PIK3C2G: variants seen among roughly 807,000 people sequenced by gnomAD.
The protein encoded by PIK3C2G is phosphatidylinositol-4-phosphate 3-kinase catalytic subunit type 2 gamma, also known as phosphatidylinositol 3-kinase C2 domain-containing subunit gamma.
PIK3C2G carries 168 observed loss-of-function variants against 181.1 expected under a neutral mutation model. That is an observed-to-expected ratio of 0.93 (90% CI 0.82 to 1.05). The LOEUF (loss-of-function observed/expected upper bound fraction) is 1.05, where lower values mean the gene tolerates loss of function less well. PIK3C2G is among the 50% of genes least tolerant of loss of function. The pLI, the probability that PIK3C2G is intolerant of heterozygous loss-of-function variation, is 0.00. For missense variants in PIK3C2G, 1,869 were observed against 1,732.8 expected, an observed-to-expected ratio of 1.08 and a Z score of -1.40; for synonymous variants, 573 against 592.2, an observed-to-expected ratio of 0.97 and a Z score of 0.47.
chr12:18,487,812 C>T (rs781424835), intron 18 of PIK3C2G, among the ~76,000 whole-genome samples: 16 of 152,090 alleles, frequency 1.1e-4, no homozygotes, highest in Non-Finnish European at 1.9e-4. Flanking sequence ...GTGTTCTATA[C>T]AGCTCTATAG....
In PIK3C2G at chr12:18,522,392, T is replaced by C. The variant is rs577826385; in HGVS notation, c.3324-15764T>C. Among the ~76,000 whole-genome samples the C allele has an allele frequency of 2.6e-5, 4 of 152,340 alleles. No homozygotes were observed. The South Asian group carries it at 8.3e-4, about 32-fold the overall frequency. On this transcript the variant is annotated intron_variant, in intron 24 of 32. Coordinates refer to ENST00000538779, the MANE Select transcript of PIK3C2G (RefSeq NM_001288772.2). The stretch of plus-strand genomic sequence containing the variant: ...TTTGTTATTAATTAGCAGACTTTTA[T>C]TTTAGCTTAAATAACTCCCATTAGC...
rs1432345175 is a variant in PIK3C2G at position 18,496,084 on chromosome 12, A to G, written c.2816A>G (p.Asn939Ser). The G allele has an allele frequency of 2.0e-6, 3 of 1,530,986 alleles. No homozygotes were observed. The highest frequency in any genetic ancestry group is 2.1e-5 in the Admixed American group (1 of 47,790). 94.8% of individuals were successfully genotyped at this position (1,530,986 alleles called of 1,614,324 possible). ...TAGGCATGTTCATATTTTACATCTA[A>G]TGCTTTGCCATTGAAGATTACTTTC... is the stretch of plus-strand genomic sequence containing the variant. The part of the protein sequence containing the change: ...DHDACSYFTS[N>S]ALPLKITFIN... Residue 939 changes from asparagine (N) to serine (S), a missense_variant, in exon 21 of 33, where the codon AAT becomes AGT. Physicochemically the swap from Asn to Ser is conservative, Grantham distance 46. Transcript: ENST00000538779.
At chr12:18,321,108 T>G in intron 7 of PIK3C2G, 76 bp downstream of exon 7, 1 of 816,182 alleles carries the variant, frequency 1.2e-6, no homozygotes, top group South Asian at 1.6e-5. Flanking sequence ...ATTTTTCAGT[T>G]GATTGTAAAA....
intron 16 of PIK3C2G, among the ~76,000 whole-genome samples, chr12:18,419,864 T>C (rs906110468): frequency 8.5e-5 from 13 of 152,162 alleles, no homozygotes; most frequent in African/African-American, 2.4e-5. Context: ...CTTGACTCGA[T>C]GGCGGCATAG....
chr12:18,520,961 TTC>T (rs554127525), intron 24 of PIK3C2G, among the ~76,000 whole-genome samples: 8 of 152,130 alleles, frequency 5.3e-5, no homozygotes, highest in Non-Finnish European at 5.9e-5. Flanking sequence ...TGTTGTTGCA[TTC>T]TGTTTGTTTG....
In PIK3C2G at chr12:18,391,243, C is replaced by T; in HGVS notation, c.2117C>T (p.Thr706Ile). ...KHIARLSQKQ[T>I]PLLLSEEKKR... ...ATTGCCAGACTTTCACAGAAACAGA[C>T]TCCCCTACTGTAAGTGACCTAGGTC... Residue 706 changes from threonine to isoleucine, a missense_variant, in exon 15 of 33, where the codon ACT becomes ATT. Transcript: ENST00000538779. 6.3e-7 allele frequency: 1 copy of T among 1,584,754 alleles called. No homozygotes were observed. Among genetic ancestry groups the T allele is most frequent in the Non-Finnish European group, 8.6e-7 (1 of 1,166,650 alleles).
chr12:18,461,377 G>A (rs1446172858), intron 18 of PIK3C2G, among the ~76,000 whole-genome samples: 2 of 152,266 alleles, frequency 1.3e-5, no homozygotes, highest in African/African-American at 2.4e-5. Flanking sequence ...TCCTGTGACT[G>A]TATATTCCCA....
rs185617400 is a variant in PIK3C2G at position 18,627,557 on chromosome 12, G to A, written c.4183-12872G>A. On this transcript the variant is annotated intron_variant, in intron 31 of 32. Coordinates refer to ENST00000538779, the MANE Select transcript of PIK3C2G (RefSeq NM_001288772.2). ...ACCTGTGGATGGGTGCAGAATTCTT[G>A]TTGTAAGGAGATATAAGTAGGTGAC... Among the ~76,000 whole-genome samples the A allele has an allele frequency of 4.9e-3, 747 of 152,208 alleles. 8 individuals carry two copies. The highest frequency in any genetic ancestry group is 9.4e-3 in the Admixed American group (144 of 15,276).
At chr12:18,552,236 C>T (rs1944771103) in intron 26 of PIK3C2G, among the ~76,000 whole-genome samples, 1 of 152,086 alleles carries the variant, frequency 6.6e-6, no homozygotes, top group African/African-American at 2.4e-5. Context: ...TCTTTGTTCC[C>T]CTCATTCCTC....
chr12:18,564,239 A>G (rs11044188), intron 28 of PIK3C2G, among the ~76,000 whole-genome samples: 8,033 of 151,984 alleles, frequency 0.053, 715 homozygotes, highest in African/African-American at 0.18. Context: ...ACTTAGAAGC[A>G]GTCAAATTTT....
chr12:18,259,938 G>A (rs1319864379), upstream of PIK3C2G, among the ~76,000 whole-genome samples: 2 of 152,056 alleles, frequency 1.3e-5, no homozygotes, highest in Non-Finnish European at 2.9e-5. Flanking sequence ...ATTGTTCTCT[G>A]GATTTTATTT....
At chr12:18,523,197 G>A (rs968711055) in intron 24 of PIK3C2G, among the ~76,000 whole-genome samples, 4 of 152,052 alleles carry the variant, frequency 2.6e-5, no homozygotes, top group African/African-American at 9.7e-5. Flanking sequence ...TGCTTTAAGA[G>A]TATTCTGAAT....
At chr12:18,333,921 C>A (rs1415156379) in intron 8 of PIK3C2G, among the ~76,000 whole-genome samples, 2 of 152,078 alleles carry the variant, frequency 1.3e-5, no homozygotes, top group African/African-American at 2.4e-5. Context: ...ACCACTTATG[C>A]CGTTTTGTTT....
In PIK3C2G at chr12:18,648,412, T is replaced by C. The variant is rs958625727; in HGVS notation, c.*384T>C. On this transcript the variant is annotated 3_prime_UTR_variant, in exon 33 of 33. Transcript: ENST00000538779. ...CAATCAAATAAACCTCATCAATTAA[T>C]TCAAGATCTAGGTATATCTGTAATC... 3 of 213,562 alleles carry C rather than the reference T, an allele frequency of 1.4e-5. No homozygotes were observed. Among genetic ancestry groups the C allele is most frequent in the Non-Finnish European group, 2.8e-5 (3 of 105,660 alleles). 13.2% of individuals were successfully genotyped at this position (213,562 alleles called of 1,614,324 possible).
intron 29 of PIK3C2G, among the ~76,000 whole-genome samples, chr12:18,593,517 G>A (rs2136486842): frequency 6.6e-6 from 1 of 152,018 alleles, no homozygotes; most frequent in East Asian, 1.9e-4. Context: ...AGAACAGGGA[G>A]GCTGTCAGGC....
At chr12:18,530,101 C>T (rs188754491) in intron 24 of PIK3C2G, among the ~76,000 whole-genome samples, 53 of 152,228 alleles carry the variant, frequency 3.5e-4, no homozygotes, top group Non-Finnish European at 5.4e-4. Context: ...GGCACCCTAA[C>T]CTCTCAAGCA....
At chr12:18,469,757 T>C (rs1938269625) in intron 18 of PIK3C2G, among the ~76,000 whole-genome samples, 1 of 142,986 alleles carries the variant, frequency 7.0e-6, no homozygotes, top group African/African-American at 2.7e-5. Flanking sequence ...GTATGCTTAA[T>C]TCACCTGTGA....
rs12304444 is a variant in PIK3C2G, at chr12:18,408,047, T to G, written c.2315+8200T>G. 2.9e-3 allele frequency among the ~76,000 whole-genome samples: 435 copies of G among 152,236 alleles called. 1 individual carries two copies. Among genetic ancestry groups the G allele is most frequent in the African/African-American group, 9.7e-3 (403 of 41,552 alleles). On this transcript the variant is annotated intron_variant, in intron 16 of 32. Transcript: ENST00000538779. Reference sequence around the variant, plus strand: ...AAGTAACAGAATATTTTGAACAGATTTGCATCTCTTAAAGATCACTCTGGT... The same window carrying G: ...AAGTAACAGAATATTTTGAACAGATGTGCATCTCTTAAAGATCACTCTGGT...
intron 8 of PIK3C2G, among the ~76,000 whole-genome samples, chr12:18,326,786 TAA>T (rs1488929570): frequency 6.6e-6 from 1 of 152,166 alleles, no homozygotes; most frequent in African/African-American, 2.4e-5. Flanking sequence ...CAGGATATAT[TAA>T]GACTTAATTC....
Sources: gnomAD v4.1 joint callset for allele counts (sites outside exome capture counted in the v4.1 genomes callset) on GRCh38, gnomAD v4.1.1 for gene constraint, MANE v1.5 for transcripts, NCBI Gene and HGNC (gene_info 2026-07-23, HGNC 2026-07-21) for gene names.